The following CAP2 variants were observed in gnomAD, a reference collection of about 807,000 sequenced individuals.
CAP2 encodes the protein cyclase associated actin cytoskeleton regulatory protein 2.
Under a neutral mutation model 57.7 loss-of-function variants are expected in CAP2, and 24 were observed. That is an observed-to-expected ratio of 0.42 (90% CI 0.30 to 0.58). The LOEUF (loss-of-function observed/expected upper bound fraction) is 0.58. Among genes scored for constraint, CAP2 ranks in the 20% least tolerant of loss-of-function variants. The pLI is 0.22. For synonymous variants in CAP2, 194 were observed against 207.2 expected, an observed-to-expected ratio of 0.94 and a Z score of 0.55; for missense variants, 501 against 590.3, an observed-to-expected ratio of 0.85 and a Z score of 1.57.
rs904377080 is a variant in CAP2, at chr6:17,487,946, TTTTG to T, written c.301-19203_301-19200del. Among the ~76,000 whole-genome samples, 4 of 150,518 alleles carry T rather than the reference TTTTG, an allele frequency of 2.7e-5. No individual in the cohort carries two copies. The East Asian group carries it at 5.9e-4, about 22-fold the overall frequency. On this transcript the variant is annotated intron_variant, in intron 4 of 12. Coordinates refer to ENST00000229922, the MANE Select transcript of CAP2 (RefSeq NM_006366.3). ...GGTGTGTGCCACTATGCCTAGCTAG[TTTTG>T]TTTGTTTGTTTGTTTGTTTTGTAGA... is the stretch of plus-strand genomic sequence containing the variant.
intron 1 of CAP2, among the ~76,000 whole-genome samples, chr6:17,407,480 A>G (rs755800028): frequency 5.4e-4 from 69 of 126,610 alleles, no homozygotes; most frequent in Admixed American, 1.2e-3. Context: ...ACCTGTCTTG[A>G]AAAAAAAAAA....
At chr6:17,555,218 GAGTTTTGCT>G (rs1581620383) in intron 12 of CAP2, among the ~76,000 whole-genome samples, 1 of 151,566 alleles carries the variant, frequency 6.6e-6, no homozygotes, top group East Asian at 2.0e-4. Context: ...TTCTGAGACA[GAGTTTTGCT>G]CTTGTTGCCC....
At chr6:17,518,846 C>T (rs919517222) in intron 7 of CAP2, among the ~76,000 whole-genome samples, 1 of 151,954 alleles carries the variant, frequency 6.6e-6, no homozygotes, top group Non-Finnish European at 1.5e-5. Flanking sequence ...CCATGTTGCC[C>T]AGGGTGGTCT....
At chr6:17,424,225 T>C (rs375037408) in intron 2 of CAP2, among the ~76,000 whole-genome samples, 16 of 152,000 alleles carry the variant, frequency 1.1e-4, no homozygotes, top group South Asian at 2.1e-4. Context: ...ACGGTGAAAC[T>C]CCGTCTCTAC....
Position 17,556,301 on chromosome 6 carries a change from T to TTAGTTTAAATAACTTTGTTG in CAP2, c.1351-36_1351-17dup, listed in dbSNP as rs1169381481. The stretch of plus-strand genomic sequence containing the variant: ...CACCATCTGTTTGCAAAAGGAAGCC[T>TTAGTTTAAATAACTTTGTTG]TAGTTTAAATAACTTTGTTGTAGTT... On this transcript the variant is annotated intron_variant, in intron 12 of 12. Coordinates refer to ENST00000229922, the MANE Select transcript of CAP2 (RefSeq NM_006366.3). 2.1e-5 allele frequency: 26 copies of TTAGTTTAAATAACTTTGTTG among 1,230,874 alleles called. No homozygotes were observed. The South Asian group carries it at 2.2e-4, about 10-fold the overall frequency. 76.2% of individuals were successfully genotyped at this position (1,230,874 alleles called of 1,614,324 possible).
intron 7 of CAP2, among the ~76,000 whole-genome samples, chr6:17,522,229 G>A (rs563972898): frequency 5.3e-5 from 8 of 152,338 alleles, no homozygotes; most frequent in South Asian, 2.1e-4. Flanking sequence ...GCATAGTGAA[G>A]TTCGAAAAGC....
intron 1 of CAP2, among the ~76,000 whole-genome samples, chr6:17,395,003 T>C (rs1239361643): frequency 6.6e-6 from 1 of 152,222 alleles, no homozygotes; most frequent in African/African-American, 2.4e-5. Flanking sequence ...GACTTCTCCA[T>C]GAATCCCGAA....
intron 1 of CAP2, among the ~76,000 whole-genome samples, chr6:17,406,207 T>C (rs372361197): frequency 6.6e-5 from 10 of 152,010 alleles, no homozygotes; most frequent in Non-Finnish European, 1.2e-4. Context: ...AGATCCCTTT[T>C]TCCTGTTCTT....
chr6:17,525,580 A>G (rs1762484365), intron 7 of CAP2, among the ~76,000 whole-genome samples: 2 of 151,930 alleles, frequency 1.3e-5, no homozygotes, highest in East Asian at 1.9e-4. Flanking sequence ...CACTTCTTAT[A>G]CTCTCCATTT....
At chr6:17,512,454 CACAA>C (rs1561811186) in intron 6 of CAP2, among the ~76,000 whole-genome samples, 1 of 151,668 alleles carries the variant, frequency 6.6e-6, no homozygotes, top group African/African-American at 2.4e-5. Context: ...CTATAATGTC[CACAA>C]ACATACATGT....
intron 9 of CAP2, 152 bp downstream of exon 9, chr6:17,541,300 T>C: frequency 1.6e-6 from 1 of 609,818 alleles, no homozygotes; most frequent in Admixed American, 3.0e-5. Context: ...CCTGTGATAT[T>C]TTGTTACATG....
At chr6:17,522,402 C>A (rs1281579379) in intron 7 of CAP2, among the ~76,000 whole-genome samples, 3 of 152,110 alleles carry the variant, frequency 2.0e-5, no homozygotes, top group Non-Finnish European at 4.4e-5. Flanking sequence ...TACAGTTCTT[C>A]CGTGAAGCAG....
intron 11 of CAP2, 109 bp from the exon 12 acceptor site, chr6:17,551,355 G>T (rs977223957): frequency 3.4e-6 from 3 of 877,704 alleles, no homozygotes; most frequent in African/African-American, 3.3e-5. Context: ...GAATTCTAAT[G>T]CTTGGTTAAG....
At chr6:17,422,461 T>G (rs957137293) in intron 2 of CAP2, among the ~76,000 whole-genome samples, 4 of 151,734 alleles carry the variant, frequency 2.6e-5, no homozygotes, top group African/African-American at 9.7e-5. Flanking sequence ...GCGATTCTCT[T>G]GCCTCAGCCT....
chr6:17,553,134 G>T (rs1005902335), intron 12 of CAP2, among the ~76,000 whole-genome samples: 1 of 152,100 alleles, frequency 6.6e-6, no homozygotes, highest in African/African-American at 2.4e-5. Context: ...CAGAAGGAAG[G>T]CTCAGCTGCA....
At chr6:17,436,138 C>T (rs1759883150) in intron 3 of CAP2, among the ~76,000 whole-genome samples, 1 of 150,696 alleles carries the variant, frequency 6.6e-6, no homozygotes, top group South Asian at 2.1e-4. Flanking sequence ...TCCTTCCTTC[C>T]TTTCTTGATA....
chr6:17,464,867 G>A (rs73721578), intron 4 of CAP2, among the ~76,000 whole-genome samples: 7,938 of 152,274 alleles, frequency 0.052, 668 homozygotes, highest in African/African-American at 0.18. Flanking sequence ...TGCCTTTTCT[G>A]TGAAGTGGGA....
chr6:17,471,510 G>A (rs866405861), intron 4 of CAP2, among the ~76,000 whole-genome samples: 1 of 152,148 alleles, frequency 6.6e-6, no homozygotes, highest in Admixed American at 6.5e-5. Context: ...GATCTTGGAA[G>A]TAGAAAAAAG....
chr6:17,437,100 G>A (rs1163653539), intron 3 of CAP2, among the ~76,000 whole-genome samples: 1 of 152,162 alleles, frequency 6.6e-6, no homozygotes, highest in Admixed American at 6.5e-5. Flanking sequence ...ATTGTGGTGA[G>A]TTGTATAATT....
Sources: gnomAD v4.1 joint callset for allele counts (sites outside exome capture counted in the v4.1 genomes callset) on GRCh38, gnomAD v4.1.1 for gene constraint, MANE v1.5 for transcripts, NCBI Gene and HGNC (gene_info 2026-07-23, HGNC 2026-07-21) for gene names.